The following ALDOB variants were observed in gnomAD, a reference collection of about 807,000 sequenced individuals.
The protein encoded by ALDOB is fructose-bisphosphate aldolase B.
ALDOB carries 39 observed loss-of-function variants against 41.0 expected under a neutral mutation model. That is an observed-to-expected ratio of 0.95 (90% CI 0.74 to 1.24). The LOEUF is 1.24. ALDOB is among the 50% of genes most tolerant of loss of function. The pLI, the probability that ALDOB is intolerant of heterozygous loss-of-function variation, is 0.00. For missense variants in ALDOB, 530 were observed against 457.3 expected, an observed-to-expected ratio of 1.16 and a Z score of -1.45; for synonymous variants, 175 against 168.8, an observed-to-expected ratio of 1.04 and a Z score of -0.28.
chr9:101,426,631 A>G lies in ALDOB; in HGVS notation c.548T>C (p.Leu183Pro), dbSNP rs1564077878. ...RYASICQQNG[L>P]VPIVEPEVIP... ...TACCTCTGGTTCAACAATAGGTACC[A>G]GTCCATTCTAAAAAGGAAAATCAAG... The change falls in exon 6 of 9, where the codon CTG (leucine) becomes CCG (proline). Residue 183 changes from leucine to proline, a missense_variant. Leu to Pro is a moderately conservative substitution (Grantham distance 98). Transcript: ENST00000647789. 1 of 1,606,602 alleles carries G rather than the reference A, an allele frequency of 6.2e-7. No individual in the cohort carries two copies. The highest frequency in any genetic ancestry group is 8.5e-7 in the Non-Finnish European group (1 of 1,173,204).
chr9:101,430,764 T>A lies in ALDOB; in HGVS notation c.112+12A>T, dbSNP rs1831206782. On this transcript the variant is annotated intron_variant, in intron 2 of 8. Coordinates refer to ENST00000647789, the MANE Select transcript of ALDOB (RefSeq NM_000035.4). Reference sequence around the variant, plus strand: ...TATGTTGTTATATGATGAGACTGCTTTTTACACTCACCTACAGATTCATCT... The same window carrying A: ...TATGTTGTTATATGATGAGACTGCTATTTACACTCACCTACAGATTCATCT... 6.3e-7 allele frequency: 1 copy of A among 1,592,194 alleles called. No homozygotes were observed. Among genetic ancestry groups the A allele is most frequent in the Non-Finnish European group, 8.6e-7 (1 of 1,160,056 alleles).
chr9:101,424,846 G>A lies in ALDOB; in HGVS notation c.996C>T (p.Ala332=), dbSNP rs1334639976. Residue 332 remains alanine (A), a synonymous_variant, in exon 8 of 9, where the codon GCC becomes GCT. Transcript: ENST00000647789. ...EATQEAFMKR[A]MANCQAAKGQ... is the part of the protein sequence containing the mutation. Reference sequence around the variant, plus strand: ...ATAAGAGGTGGCAGCATCTTACCATGGCCCGCTTCATAAAAGCCTCCTGGG... The same window carrying A: ...ATAAGAGGTGGCAGCATCTTACCATAGCCCGCTTCATAAAAGCCTCCTGGG... 5 of 1,612,652 alleles carry A rather than the reference G, an allele frequency of 3.1e-6. No homozygotes were observed. The highest frequency in any genetic ancestry group is 4.2e-6 in the Non-Finnish European group (5 of 1,180,012).
At position 101,421,714 on chromosome 9, in the gene ALDOB, T is replaced by C; in HGVS notation, c.*95A>G. 1.0e-6 allele frequency: 1 copy of C among 952,850 alleles called. No individual in the cohort carries two copies. Among genetic ancestry groups the C allele is most frequent in the Non-Finnish European group, 1.7e-6 (1 of 589,362 alleles). 59.0% of individuals were successfully genotyped at this position (952,850 alleles called of 1,614,324 possible). On this transcript the variant is annotated 3_prime_UTR_variant, in exon 9 of 9. Coordinates refer to ENST00000647789, the MANE Select transcript of ALDOB (RefSeq NM_000035.4). ...TGTGTTGTATTTCCAGCAGTTCAAA[T>C]CTAATTGTGTCGAATTTCCAGGATT...
chr9:101,421,627 G>A lies in ALDOB; in HGVS notation c.*182C>T. 1 of 683,966 alleles carries A rather than the reference G, an allele frequency of 1.5e-6. No homozygotes were observed. The highest frequency in any genetic ancestry group is 1.6e-5 in the South Asian group (1 of 63,040). 42.4% of individuals were successfully genotyped at this position (683,966 alleles called of 1,614,324 possible). A position where few individuals can be genotyped will look rare whatever the true frequency, so the allele number is the denominator to read the frequency against. On this transcript the variant is annotated 3_prime_UTR_variant, in exon 9 of 9. Transcript: ENST00000647789. ...TGTGTGAAATTTGATCAGGTCCTTGGTATTCATTTTTATGTTTCAATAACT... is the reference window on the plus strand; with the variant it reads ...TGTGTGAAATTTGATCAGGTCCTTGATATTCATTTTTATGTTTCAATAACT...
At position 101,420,877 on chromosome 9, in the gene ALDOB, T is replaced by C. The variant is rs1257045082; in HGVS notation, c.*932A>G. 1 of 152,228 alleles carries C rather than the reference T, an allele frequency of 6.6e-6. No homozygotes were observed. Among genetic ancestry groups the C allele is most frequent in the Non-Finnish European group, 1.5e-5 (1 of 68,032 alleles). 9.4% of individuals were successfully genotyped at this position (152,228 alleles called of 1,614,324 possible). A position where few individuals can be genotyped will look rare whatever the true frequency, so the allele number is the denominator to read the frequency against. ...AGTCAATACAGTATCATTATGTGAA[T>C]ATTATTTACTGCAAAACTACGAAAT... On this transcript the variant is annotated 3_prime_UTR_variant, in exon 9 of 9. Transcript: ENST00000647789.
rs77849749 is a variant in ALDOB at position 101,429,960 on chromosome 9, A to G, written c.119T>C (p.Met40Thr). Reference protein sequence around the residue: ...ILAADESVGTMGNRLQRIKVE... With the variant: ...ILAADESVGTTGNRLQRIKVE... The stretch of plus-strand genomic sequence containing the variant: ...CTTGATCCTCTGCAGGCGGTTCCCC[A>G]TGGTACCTATGGTGGGAGGGCCAAG... The change falls in exon 3 of 9, where the codon ATG becomes ACG. Residue 40 changes from methionine (M) to threonine (T), a missense_variant. Physicochemically the swap from Met to Thr is moderately conservative, Grantham distance 81. Transcript: ENST00000647789. 31 of 1,613,870 alleles carry G rather than the reference A, an allele frequency of 1.9e-5. No homozygotes were observed. The highest frequency in any genetic ancestry group is 2.5e-5 in the Non-Finnish European group (29 of 1,179,996).
chr9:101,432,510 A>C (rs1327363596), intron 1 of ALDOB, among the ~76,000 whole-genome samples: 1 of 152,214 alleles, frequency 6.6e-6, no homozygotes, highest in Non-Finnish European at 1.5e-5. Flanking sequence ...ATTTGTACAA[A>C]GGAGTTGACA....
chr9:101,431,498 C>T (rs577392213), intron 1 of ALDOB, among the ~76,000 whole-genome samples: 11 of 152,308 alleles, frequency 7.2e-5, no homozygotes, highest in African/African-American at 2.4e-4. Flanking sequence ...TTGGGGCAGA[C>T]CAGAGAGGAT....
Position 101,429,971 on chromosome 9 carries a change from G to A in ALDOB, c.113-5C>T. 2 of 1,613,844 alleles carry A rather than the reference G, an allele frequency of 1.2e-6. No individual in the cohort carries two copies. The highest frequency in any genetic ancestry group is 1.7e-5 in the Admixed American group (1 of 60,018). Reference sequence around the variant, plus strand: ...GCAGGCGGTTCCCCATGGTACCTATGGTGGGAGGGCCAAGGGCAGCATAAG... The same window carrying A: ...GCAGGCGGTTCCCCATGGTACCTATAGTGGGAGGGCCAAGGGCAGCATAAG... On this transcript the variant is annotated splice_polypyrimidine_tract_variant and splice_region_variant and intron_variant, in intron 2 of 8. Coordinates refer to ENST00000647789, the MANE Select transcript of ALDOB (RefSeq NM_000035.4).
Position 101,430,007 on chromosome 9 carries a change from G to A in ALDOB, c.113-41C>T, listed in dbSNP as rs76282220. 5.3e-4 allele frequency: 826 copies of A among 1,554,194 alleles called. 7 individuals carry two copies. In the African/African-American group the frequency reaches 1.0e-2, roughly 19 times the overall value. ...CAAGGGCAGCATAAGGAGCAAGCCA[G>A]GGCTTTCCTGTCACCCTTCTCCACA... On this transcript the variant is annotated intron_variant, in intron 2 of 8. Coordinates refer to ENST00000647789, the MANE Select transcript of ALDOB (RefSeq NM_000035.4).
At chr9:101,422,615 G>C (rs997513573) in intron 8 of ALDOB, among the ~76,000 whole-genome samples, 3 of 152,198 alleles carry the variant, frequency 2.0e-5, no homozygotes. Flanking sequence ...CGCTTCAAGT[G>C]GGGGTAGGGG....
intron 8 of ALDOB, among the ~76,000 whole-genome samples, chr9:101,423,302 T>C (rs2118337628): frequency 6.6e-6 from 1 of 152,286 alleles, no homozygotes; most frequent in East Asian, 1.9e-4. Flanking sequence ...TTTGTCACTC[T>C]TCTACCTTCC....
intron 1 of ALDOB, among the ~76,000 whole-genome samples, chr9:101,432,132 C>T (rs140605377): frequency 6.2e-4 from 94 of 152,310 alleles, no homozygotes; most frequent in African/African-American, 2.1e-3. Context: ...GCTGTCAGTA[C>T]TCTGTCCCTT....
intron 1 of ALDOB, among the ~76,000 whole-genome samples, chr9:101,432,576 T>A (rs1182033372): frequency 6.6e-6 from 1 of 152,120 alleles, no homozygotes; most frequent in African/African-American, 2.4e-5. Flanking sequence ...ATCAGCCCAA[T>A]AATAATAATA....
At chr9:101,425,676 G>A in intron 6 of ALDOB, 49 bp from the exon 7 acceptor site, 1 of 1,598,700 alleles carries the variant, frequency 6.3e-7, no homozygotes, top group Non-Finnish European at 8.6e-7. Context: ...TAGTCATAGA[G>A]CCACTTGACC....
At chr9:101,426,684 TTATCC>T in intron 5 of ALDOB, 46 bp from the exon 6 acceptor site, 1 of 1,193,492 alleles carries the variant, frequency 8.4e-7, no homozygotes, top group South Asian at 1.2e-5. Context: ...GTGCTCACTG[TTATCC>T]TTTCCTTAGG....
At chr9:101,429,325 T>C (rs1254223170) in intron 3 of ALDOB, among the ~76,000 whole-genome samples, 1 of 152,020 alleles carries the variant, frequency 6.6e-6, no homozygotes, top group Non-Finnish European at 1.5e-5. Context: ...ATCTGGCTAA[T>C]GTTTTTGATT....
rs182245025 is a variant in ALDOB, at chr9:101,425,442, G to A, written c.799+11C>T. 147 of 1,613,986 alleles carry A rather than the reference G, an allele frequency of 9.1e-5. No homozygotes were observed. In the African/African-American group the frequency reaches 1.6e-3, roughly 18 times the overall value. On this transcript the variant is annotated intron_variant, in intron 7 of 8. Transcript: ENST00000647789. ...CTAAGACCTTGAGTTAGAGAAGAAA[G>A]AAGGCCTTACCAGGAACAGCTGCAG...
At chr9:101,425,138 G>A in intron 7 of ALDOB, 96 bp from the exon 8 acceptor site, 2 of 1,381,132 alleles carry the variant, frequency 1.4e-6, no homozygotes, top group Non-Finnish European at 2.0e-6. Flanking sequence ...TAATGTCTCA[G>A]TCTTTTCTCT....
Sources: gnomAD v4.1 joint callset for allele counts (sites outside exome capture counted in the v4.1 genomes callset) on GRCh38, gnomAD v4.1.1 for gene constraint, MANE v1.5 for transcripts, NCBI Gene and HGNC (gene_info 2026-07-23, HGNC 2026-07-21) for gene names.